The following ZNF69 variants were observed in gnomAD, a reference collection of about 807,000 sequenced individuals.
ZNF69 encodes the protein ZNF3.
ZNF69 carries 47 observed loss-of-function variants against 50.9 expected under a neutral mutation model. The observed-to-expected ratio is 0.92, with a 90% CI of 0.73 to 1.18. ZNF69 has a LOEUF of 1.18. Among genes scored for constraint, ZNF69 ranks in the 50% most tolerant of loss-of-function variants. ZNF69 has a pLI of 0.00. For synonymous variants in ZNF69, 216 were observed against 223.1 expected (o/e 0.97, Z 0.29); for missense variants, 717 against 675.1 (o/e 1.06, Z -0.69).
the ZNF69 span, chr19:11,978,416 G>C: frequency 6.2e-7 from 1 of 1,614,150 alleles, no homozygotes; most frequent in Non-Finnish European, 8.5e-7. Context: ...CACAAGAAAG[G>C]AATCACACCG....
At position 11,905,013 on chromosome 19, in the gene ZNF69, A is replaced by G. The variant is rs751040756; in HGVS notation, c.616A>G (p.Ser206Gly). The change falls in exon 4 of 4, where the codon AGC becomes GGC. Residue 206 changes from serine to glycine, a missense_variant. Coordinates refer to ENST00000429654, the MANE Select transcript of ZNF69 (RefSeq NM_001364730.1). ...ECGKTFISHS[S>G]IQRHVVMHSG... ...TGGAAAAACTTTTATTTCCCATTCA[A>G]GCATTCAAAGACACGTGGTAATGCA... 102 of 1,614,056 alleles carry G rather than the reference A, an allele frequency of 6.3e-5. No individual in the cohort carries two copies. Among genetic ancestry groups the G allele is most frequent in the Non-Finnish European group, 8.4e-5 (99 of 1,180,018 alleles).
At chr19:11,925,188 T>C in the ZNF69 span, 22 of 1,611,226 alleles carry the variant, frequency 1.4e-5, no homozygotes, top group Non-Finnish European at 1.7e-5. Flanking sequence ...TACCCAGGCT[T>C]CTGTCGCTCT....
chr19:11,979,686 G>A, the ZNF69 span: 1 of 1,601,518 alleles, frequency 6.2e-7, no homozygotes, highest in South Asian at 1.1e-5. Flanking sequence ...ATGCATGCTG[G>A]GACTCACCCT....
At chr19:11,978,071 A>G in the ZNF69 span, 48 of 1,583,272 alleles carry the variant, frequency 3.0e-5, no homozygotes, top group Non-Finnish European at 4.0e-5. Flanking sequence ...GATTAATACA[A>G]AATTACTCAT....
At chr19:11,892,080 C>A (rs1246367170) in intron 1 of ZNF69, among the ~76,000 whole-genome samples, 1 of 151,630 alleles carries the variant, frequency 6.6e-6, no homozygotes, top group Non-Finnish European at 1.5e-5. Flanking sequence ...CTGGCTCAAG[C>A]ACCTCAGCCT....
At chr19:11,903,399 A>C (rs1406669130) in intron 1 of ZNF69, among the ~76,000 whole-genome samples, 174 bp from the exon 2 acceptor site, 4 of 152,218 alleles carry the variant, frequency 2.6e-5, no homozygotes, top group Admixed American at 6.5e-5. Flanking sequence ...TAAGAGTGAA[A>C]ATCTGTCTCA....
rs759159398 is a variant in ZNF69 at position 11,903,551 on chromosome 19, C to G, written c.64-22C>G. On this transcript the variant is annotated intron_variant, in intron 1 of 3. Transcript: ENST00000429654. ...TGCTGTCACTCTCACCCATCCTCCT[C>G]TACACATGTGAGATGTTTCAGGACC... 7 of 1,613,648 alleles carry G rather than the reference C, an allele frequency of 4.3e-6. No individual in the cohort carries two copies. The East Asian group carries it at 1.6e-4, about 36-fold the overall frequency.
At chr19:11,947,105 C>T in the ZNF69 span, 1 of 1,551,030 alleles carries the variant, frequency 6.4e-7, no homozygotes, top group East Asian at 2.3e-5. Flanking sequence ...ATCCTGAGAA[C>T]TTCTTGGGAA....
At chr19:11,927,659 A>G in the ZNF69 span, among the ~76,000 whole-genome samples, 3 of 152,172 alleles carry the variant, frequency 2.0e-5, no homozygotes, top group African/African-American at 7.2e-5. Context: ...AAAGAAAACT[A>G]TCCTTTACAT....
At chr19:11,979,634 A>G in the ZNF69 span, 2 of 1,605,712 alleles carry the variant, frequency 1.2e-6, no homozygotes, top group Admixed American at 1.7e-5. Context: ...CTATGAGTGT[A>G]AGCAATGTGG....
Position 11,905,573 on chromosome 19 carries a change from A to G in ZNF69, c.1176A>G (p.Gln392=), listed in dbSNP as rs1972353073. 1 of 1,614,028 alleles carries G rather than the reference A, an allele frequency of 6.2e-7. No homozygotes were observed. The highest frequency in any genetic ancestry group is 1.3e-5 in the African/African-American group (1 of 75,002). Residue 392 remains glutamine, a synonymous_variant, in exon 4 of 4, where the codon CAA becomes CAG. Transcript: ENST00000429654. The part of the protein sequence containing the change: ...HSGEKPYKCK[Q]CGKAFIHSSS... ...GAGAGAAACCCTATAAATGCAAGCA[A>G]TGTGGTAAAGCCTTCATTCATTCCA...
chr19:11,969,935 G>C, the ZNF69 span, among the ~76,000 whole-genome samples: 1 of 152,072 alleles, frequency 6.6e-6, no homozygotes, highest in African/African-American at 2.4e-5. Flanking sequence ...CCTGGTTTTG[G>C]GTTTTAGAAT....
At chr19:11,963,088 A>AGTGT in the ZNF69 span, among the ~76,000 whole-genome samples, 615 of 138,248 alleles carry the variant, frequency 4.4e-3, no homozygotes, top group Middle Eastern at 0.011. Flanking sequence ...AGAGAGAGAG[A>AGTGT]GTGTGTGTGT....
chr19:11,942,569 CAG>C, the ZNF69 span, among the ~76,000 whole-genome samples: 1 of 152,124 alleles, frequency 6.6e-6, no homozygotes, highest in African/African-American at 2.4e-5. Flanking sequence ...ACCGAGCTCC[CAG>C]AGAGAGAGAA....
the ZNF69 span, among the ~76,000 whole-genome samples, chr19:11,962,359 AC>A: frequency 6.6e-6 from 1 of 152,196 alleles, no homozygotes; most frequent in Non-Finnish European, 1.5e-5. Context: ...TACTGCCAGC[AC>A]TTGTTCAATA....
chr19:11,946,471 A>G, the ZNF69 span, among the ~76,000 whole-genome samples: 5 of 152,118 alleles, frequency 3.3e-5, no homozygotes, highest in Admixed American at 6.5e-5. Context: ...CTCATTGGCT[A>G]TCTGTCCCTT....
the ZNF69 span, chr19:11,948,317 G>T: frequency 6.2e-7 from 1 of 1,613,814 alleles, no homozygotes; most frequent in Non-Finnish European, 8.5e-7. Flanking sequence ...AAAGAAGACA[G>T]TCATTGTGGA....
the ZNF69 span, among the ~76,000 whole-genome samples, chr19:11,960,553 C>G: frequency 6.6e-6 from 1 of 152,072 alleles, no homozygotes; most frequent in African/African-American, 2.4e-5. Flanking sequence ...CTTCGCCTCC[C>G]AAGGTGCTAG....
chr19:11,943,783 T>C, the ZNF69 span, among the ~76,000 whole-genome samples: 3 of 152,230 alleles, frequency 2.0e-5, no homozygotes, highest in African/African-American at 7.2e-5. Context: ...GGAAAATCAG[T>C]TGAAGTCCTT....
Sources: allele counts gnomAD v4.1 joint callset (sites outside exome capture counted in the v4.1 genomes callset), GRCh38; gene constraint gnomAD v4.1.1; transcripts MANE v1.5; gene names NCBI Gene and HGNC (gene_info 2026-07-23, HGNC 2026-07-21).